KLRG1: variants seen among roughly 807,000 people sequenced by gnomAD.
KLRG1 encodes killer cell lectin-like receptor subfamily G member 1.
Under a neutral mutation model 21.8 loss-of-function variants are expected in KLRG1, and 16 were observed. The ratio of observed to expected loss-of-function variants is 0.73; its 90% CI spans 0.50 to 1.11. The LOEUF (loss-of-function observed/expected upper bound fraction) is 1.11. Ranked by LOEUF, KLRG1 falls within the 50% of genes most tolerant of loss-of-function variation. The probability of loss-of-function intolerance (pLI) is 0.00; values close to 1 mark genes in which losing one functional copy is unlikely to be tolerated. For synonymous variants in KLRG1, 69 were observed against 75.9 expected, an observed-to-expected ratio of 0.91 and a Z score of 0.47; for missense variants, 173 against 218.3, an observed-to-expected ratio of 0.79 and a Z score of 1.31.
At chr12:9,096,279 G>A in the KLRG1 span, among the ~76,000 whole-genome samples, 2 of 152,088 alleles carry the variant, frequency 1.3e-5, no homozygotes, top group South Asian at 2.1e-4. Flanking sequence ...CAGTTCAGAG[G>A]CCACCACTAG....
the KLRG1 span, chr12:9,154,606 A>G: frequency 1.2e-6 from 2 of 1,612,854 alleles, no homozygotes; most frequent in East Asian, 4.5e-5. Context: ...ACTCTTTGGG[A>G]ACCACTGACC....
At chr12:9,058,086 A>G in the KLRG1 span, 1 of 152,208 alleles carries the variant, frequency 6.6e-6, no homozygotes, top group African/African-American at 2.4e-5. Flanking sequence ...ATTTCCAAAT[A>G]TTCAGGAAAC....
chr12:9,089,556 C>G, the KLRG1 span, among the ~76,000 whole-genome samples: 1 of 152,082 alleles, frequency 6.6e-6, no homozygotes, highest in African/African-American at 2.4e-5. Flanking sequence ...GCCTGGCCAA[C>G]GTGGTGAAAT....
the KLRG1 span, chr12:9,135,482 C>G: frequency 2.7e-6 from 1 of 367,430 alleles, no homozygotes; most frequent in South Asian, 2.7e-5. Context: ...GGGGGTAGCA[C>G]TCAAAACAGC....
chr12:9,066,833 T>C, the KLRG1 span: 1 of 152,222 alleles, frequency 6.6e-6, no homozygotes, highest in Non-Finnish European at 1.5e-5. Flanking sequence ...AACTAAGCAT[T>C]GTCATTTTTG....
the KLRG1 span, among the ~76,000 whole-genome samples, chr12:9,125,923 C>T: frequency 1.1e-4 from 17 of 152,010 alleles, no homozygotes; most frequent in African/African-American, 3.4e-4. Context: ...TTAGTAGAGA[C>T]GGGGTTTCAC....
the KLRG1 span, among the ~76,000 whole-genome samples, chr12:9,027,092 T>C: frequency 6.6e-6 from 1 of 152,156 alleles, no homozygotes; most frequent in Non-Finnish European, 1.5e-5. Context: ...AATATATATA[T>C]ACATTGTGGA....
chr12:9,131,806 A>G, the KLRG1 span, among the ~76,000 whole-genome samples: 1 of 151,962 alleles, frequency 6.6e-6, no homozygotes, highest in East Asian at 1.9e-4. Flanking sequence ...ACACATTTCT[A>G]AATTTCTAAG....
the KLRG1 span, chr12:9,203,823 C>T: frequency 5.1e-5 from 82 of 1,614,016 alleles, no homozygotes; most frequent in East Asian, 2.5e-4. Context: ...AGTGAAGAGG[C>T]TCCTGTTTTC....
At chr12:9,192,186 T>A in the KLRG1 span, 1 of 1,608,136 alleles carries the variant, frequency 6.2e-7, no homozygotes, top group Non-Finnish European at 8.5e-7. Flanking sequence ...AATCTGAGGA[T>A]ACTCACTGTC....
At chr12:9,120,235 G>C in the KLRG1 span, among the ~76,000 whole-genome samples, 6 of 152,126 alleles carry the variant, frequency 3.9e-5, no homozygotes, top group Non-Finnish European at 7.4e-5. Context: ...ATCACCAATT[G>C]GGTTACCTGA....
the KLRG1 span, chr12:9,107,510 AG>A: frequency 6.2e-7 from 1 of 1,613,508 alleles, no homozygotes; most frequent in Non-Finnish European, 8.5e-7. Flanking sequence ...TAGAAAAAAT[AG>A]TGTTCAACCT....
chr12:9,054,399 C>T, the KLRG1 span, among the ~76,000 whole-genome samples: 2 of 151,982 alleles, frequency 1.3e-5, no homozygotes, highest in Non-Finnish European at 2.9e-5. Context: ...TCCTATGACT[C>T]TTTATGAAAA....
At chr12:9,157,417 G>T in the KLRG1 span, 1 of 1,443,466 alleles carries the variant, frequency 6.9e-7, no homozygotes, top group Non-Finnish European at 9.5e-7. Flanking sequence ...CAAGCTGAGA[G>T]CTGGATATTG....
the KLRG1 span, among the ~76,000 whole-genome samples, chr12:9,197,599 TATA>T: frequency 6.7e-5 from 7 of 104,550 alleles, no homozygotes; most frequent in African/African-American, 2.8e-4. Context: ...AATATATAAA[TATA>T]ATATATATTA....
At chr12:8,978,608 C>T (rs1946695831) in intron 1 of KLRG1, among the ~76,000 whole-genome samples, 2 of 152,072 alleles carry the variant, frequency 1.3e-5, no homozygotes, top group Admixed American at 1.3e-4. Context: ...GATAGTCTTA[C>T]ATGTGACAGT....
chr12:9,107,383 AT>A, the KLRG1 span: 55 of 1,053,444 alleles, frequency 5.2e-5, no homozygotes, highest in East Asian at 8.0e-5. Context: ...TAAGTTCATG[AT>A]TTTTTTTGAA....
intron 1 of KLRG1, among the ~76,000 whole-genome samples, chr12:8,971,486 T>A (rs1229540057): frequency 6.6e-6 from 1 of 152,140 alleles, no homozygotes; most frequent in Non-Finnish European, 1.5e-5. Context: ...TTTTAGTTTT[T>A]ATTTATTTAT....
chr12:9,074,038 A>G, the KLRG1 span, among the ~76,000 whole-genome samples: 1 of 149,412 alleles, frequency 6.7e-6, no homozygotes, highest in East Asian at 2.0e-4. Context: ...CAGTGAGCCG[A>G]GATTGCACCA....
Sources: allele counts gnomAD v4.1 joint callset (sites outside exome capture counted in the v4.1 genomes callset), GRCh38; gene constraint gnomAD v4.1.1; transcripts MANE v1.5; gene names NCBI Gene and HGNC (gene_info 2026-07-23, HGNC 2026-07-21).